Variants in DLC1 observed in about 807,000 individuals in gnomAD.
The protein encoded by DLC1 is rho GTPase-activating protein 7.
DLC1 carries 54 observed loss-of-function variants against 140.3 expected under a neutral mutation model. The observed-to-expected ratio is 0.38, with a 90% CI of 0.31 to 0.48. The LOEUF (loss-of-function observed/expected upper bound fraction) is 0.48. Among genes scored for constraint, DLC1 ranks in the 20% least tolerant of loss-of-function variants. DLC1 has a pLI of 0.96. For missense variants in DLC1, 2,536 were observed against 1,907.0 expected, an observed-to-expected ratio of 1.33 and a Z score of -6.14; for synonymous variants, 986 against 728.1, an observed-to-expected ratio of 1.35 and a Z score of -5.70.
intron 1 of DLC1, among the ~76,000 whole-genome samples, chr8:13,555,820 T>A (rs964450171): frequency 6.6e-6 from 1 of 151,978 alleles, no homozygotes; most frequent in Non-Finnish European, 1.5e-5. Flanking sequence ...TTTTTTTTTT[T>A]AAATAAGAAA....
intron 1 of DLC1, chr8:13,558,016 C>T (rs1804112342): frequency 6.6e-6 from 1 of 152,142 alleles, no homozygotes; most frequent in South Asian, 2.1e-4. Flanking sequence ...TAGTAAAATT[C>T]TGGGGAGCTG....
At chr8:13,179,073 A>G (rs1049527373) in intron 5 of DLC1, among the ~76,000 whole-genome samples, 1 of 152,248 alleles carries the variant, frequency 6.6e-6, no homozygotes, top group Non-Finnish European at 1.5e-5. Context: ...GAGCAATGCA[A>G]TAGAATGCTA....
At chr8:13,310,371 T>A (rs182381055) in intron 4 of DLC1, among the ~76,000 whole-genome samples, 1 of 152,178 alleles carries the variant, frequency 6.6e-6, no homozygotes, top group African/African-American at 2.4e-5. Flanking sequence ...CTCCTTTCCC[T>A]TTAAAACATT....
chr8:13,404,018 T>G (rs1350537184), intron 2 of DLC1, among the ~76,000 whole-genome samples: 1 of 152,158 alleles, frequency 6.6e-6, no homozygotes, highest in African/African-American at 2.4e-5. Context: ...GACTAATGCA[T>G]GCTCTTTATC....
At chr8:13,538,451 T>C (rs1585253595) in intron 1 of DLC1, among the ~76,000 whole-genome samples, 1 of 152,168 alleles carries the variant, frequency 6.6e-6, no homozygotes, top group East Asian at 1.9e-4. Flanking sequence ...AGCTGTGCGC[T>C]CCTCCTAGGG....
intron 1 of DLC1, among the ~76,000 whole-genome samples, chr8:13,506,084 G>A (rs1313981770): frequency 6.6e-6 from 1 of 151,998 alleles, no homozygotes; most frequent in East Asian, 1.9e-4. Flanking sequence ...GCAGTCCTTT[G>A]AGAATACATG....
At chr8:13,402,216 A>G (rs1241972760) in intron 2 of DLC1, among the ~76,000 whole-genome samples, 1 of 152,208 alleles carries the variant, frequency 6.6e-6, no homozygotes, top group African/African-American at 2.4e-5. Flanking sequence ...AACAGCTCCC[A>G]CAACAATTTG....
intron 5 of DLC1, among the ~76,000 whole-genome samples, chr8:13,220,814 G>A (rs1034460485): frequency 9.9e-5 from 15 of 152,062 alleles, no homozygotes; most frequent in African/African-American, 3.6e-4. Context: ...GGAAATATAC[G>A]GAGTTTGAAA....
chr8:13,403,380 G>C (rs936987550), intron 2 of DLC1, among the ~76,000 whole-genome samples: 1 of 152,104 alleles, frequency 6.6e-6, no homozygotes, highest in Non-Finnish European at 1.5e-5. Flanking sequence ...ACTTATTTAG[G>C]TTAATTCCCT....
chr8:13,086,452 G>C lies in DLC1; in HGVS notation c.4304C>G (p.Thr1435Ser), dbSNP rs1423752887. The change falls in exon 17 of 18, where the codon ACT becomes AGT. Residue 1435 changes from threonine (T) to serine (S), a missense_variant. By Grantham distance (58) the Thr-to-Ser change is moderately conservative. Transcript: ENST00000276297. Reference protein sequence around the residue: ...RDYVVLRTWRTNLPKGACALL... With the variant: ...RDYVVLRTWRSNLPKGACALL... Reference sequence around the variant, plus strand: ...GGCACAGGCTCCTTTGGGTAAATTAGTCCTCCAGGTTCTGTAGAGACAAAA... The same window carrying C: ...GGCACAGGCTCCTTTGGGTAAATTACTCCTCCAGGTTCTGTAGAGACAAAA... 6.2e-7 allele frequency: 1 copy of C among 1,613,760 alleles called. No homozygotes were observed. The highest frequency in any genetic ancestry group is 1.1e-5 in the South Asian group (1 of 91,006).
At chr8:13,502,222 A>G (rs1020156213) in intron 1 of DLC1, among the ~76,000 whole-genome samples, 1 of 152,338 alleles carries the variant, frequency 6.6e-6, no homozygotes, top group Middle Eastern at 3.4e-3. Context: ...AGATAGTTCA[A>G]CAAGTTCTGA....
At chr8:13,290,408 A>G (rs1027836181) in intron 5 of DLC1, among the ~76,000 whole-genome samples, 11 of 152,224 alleles carry the variant, frequency 7.2e-5, no homozygotes, top group African/African-American at 2.7e-4. Context: ...CAAGTATTCT[A>G]GAAAATTATG....
intron 4 of DLC1, among the ~76,000 whole-genome samples, chr8:13,331,694 A>C (rs951830779): frequency 6.6e-6 from 1 of 152,054 alleles, no homozygotes; most frequent in Admixed American, 6.6e-5. Context: ...AAAAATCCCC[A>C]CCAAATCCAA....
intron 4 of DLC1, chr8:13,353,486 C>A (rs2444943): frequency 6.6e-6 from 1 of 150,876 alleles, no homozygotes; most frequent in Non-Finnish European, 1.5e-5. Context: ...ATGATTAGTT[C>A]TGTGGCAGTG....
At position 13,566,905 on chromosome 8, in the gene DLC1, A is replaced by T. The variant is rs1374874529; in HGVS notation, c.-126+37632T>A. 3 of 1,438,964 alleles carry T rather than the reference A, an allele frequency of 2.1e-6. No homozygotes were observed. In the Admixed American group the frequency reaches 8.6e-5, roughly 41 times the overall value. The allele number at this position is 1,438,964 out of a possible 1,614,324, so 89.1% of individuals were successfully genotyped here. A position where few individuals can be genotyped will look rare whatever the true frequency, so the allele number is the denominator to read the frequency against. ...CGCAGAGCTGATGGCATTGAGATCC[A>T]TTCCCGGAGGGGTCAGCTCCTGACG... On this transcript the variant is annotated intron_variant, in intron 1 of 1. Coordinates refer to the DLC1 transcript ENST00000631382.
At chr8:13,391,654 C>T (rs1032478218) in intron 4 of DLC1, among the ~76,000 whole-genome samples, 2 of 151,862 alleles carry the variant, frequency 1.3e-5, no homozygotes, top group African/African-American at 4.8e-5. Context: ...CTATATTGAC[C>T]ATATTTATAA....
chr8:13,099,385 C>T lies in DLC1; in HGVS notation c.2952G>A (p.Arg984=). 2 of 1,614,066 alleles carry T rather than the reference C, an allele frequency of 1.2e-6. No homozygotes were observed. The highest frequency in any genetic ancestry group is 1.7e-6 in the Non-Finnish European group (2 of 1,180,016). Reference sequence around the variant, plus strand: ...TTAGGGAAGCCCCAACCCCAGAATCCCTTCTTTCCGGGATCTCGGAGGGCT... The same window carrying T: ...TTAGGGAAGCCCCAACCCCAGAATCTCTTCTTTCCGGGATCTCGGAGGGCT... The part of the protein sequence containing the change: ...PEEPSEIPER[R]DSGVGASLTR... The change falls in exon 9 of 18, where the codon AGG becomes AGA. Residue 984 remains arginine (R), a synonymous_variant. Transcript: ENST00000276297.
At chr8:13,442,181 T>C (rs1450078777) in intron 2 of DLC1, among the ~76,000 whole-genome samples, 1 of 152,204 alleles carries the variant, frequency 6.6e-6, no homozygotes, top group Non-Finnish European at 1.5e-5. Flanking sequence ...ATCCTTTCCT[T>C]ACACCTTAGA....
intron 5 of DLC1, among the ~76,000 whole-genome samples, chr8:13,227,608 A>G (rs913446457): frequency 1.3e-5 from 2 of 152,214 alleles, no homozygotes; most frequent in African/African-American, 2.4e-5. Flanking sequence ...CCAGTGAAAC[A>G]TACATACACT....
Sources: gnomAD v4.1 joint callset for allele counts (sites outside exome capture counted in the v4.1 genomes callset) on GRCh38, gnomAD v4.1.1 for gene constraint, MANE v1.5 for transcripts, NCBI Gene and HGNC (gene_info 2026-07-23, HGNC 2026-07-21) for gene names.